Variants in LDAH observed in about 807,000 individuals in gnomAD.
LDAH encodes the protein lipid droplet-associated hydrolase.
A neutral mutation model predicts 29.6 loss-of-function variants in LDAH; 26 were observed. That is an observed-to-expected ratio of 0.88 (90% CI 0.64 to 1.22). The LOEUF is 1.22. LDAH is among the 50% of genes most tolerant of loss of function. The pLI, the probability that LDAH is intolerant of heterozygous loss-of-function variation, is 0.00. For synonymous variants in LDAH, 117 were observed against 133.0 expected (o/e 0.88, Z 0.83); for missense variants, 344 against 387.3 (o/e 0.89, Z 0.94).
At chr2:20,762,209 A>T (rs998594760) in intron 4 of LDAH, among the ~76,000 whole-genome samples, 2 of 152,076 alleles carry the variant, frequency 1.3e-5, no homozygotes, top group African/African-American at 4.8e-5. Flanking sequence ...ATTTTTTGTT[A>T]TAATAGATAA....
At chr2:20,811,257 A>T (rs1472675728) in intron 1 of LDAH, among the ~76,000 whole-genome samples, 1 of 151,776 alleles carries the variant, frequency 6.6e-6, no homozygotes, top group Non-Finnish European at 1.5e-5. Context: ...TGACCTCGTG[A>T]TCCGCCCATC....
chr2:20,731,855 G>GTT (rs1007306542), intron 5 of LDAH, among the ~76,000 whole-genome samples: 53 of 140,460 alleles, frequency 3.8e-4, no homozygotes, highest in African/African-American at 1.3e-3. Context: ...TTTTCTTTTA[G>GTT]TTTTTTTTTT....
intron 4 of LDAH, among the ~76,000 whole-genome samples, chr2:20,758,873 A>G (rs1397994847): frequency 1.3e-5 from 2 of 152,236 alleles, no homozygotes; most frequent in Non-Finnish European, 2.9e-5. Flanking sequence ...AGGCAAACAC[A>G]GCAACTATGA....
At chr2:20,821,555 G>A (rs1673302759) in intron 1 of LDAH, among the ~76,000 whole-genome samples, 1 of 152,094 alleles carries the variant, frequency 6.6e-6, no homozygotes, top group African/African-American at 2.4e-5. Context: ...TCATAGGTGG[G>A]AATTGAACAA....
At chr2:20,736,730 T>TA (rs1553341780) in intron 5 of LDAH, among the ~76,000 whole-genome samples, 1 of 152,116 alleles carries the variant, frequency 6.6e-6, no homozygotes, top group Non-Finnish European at 1.5e-5. Context: ...TGGACTCTAT[T>TA]ATCAACGCAA....
At chr2:20,743,812 C>T (rs1667378829) in intron 4 of LDAH, among the ~76,000 whole-genome samples, 1 of 150,236 alleles carries the variant, frequency 6.7e-6, no homozygotes, top group South Asian at 2.1e-4. Flanking sequence ...TTCTTTCTCT[C>T]GTTCTTTTCC....
chr2:20,699,163 A>C (rs1663727056), intron 6 of LDAH, among the ~76,000 whole-genome samples: 1 of 152,228 alleles, frequency 6.6e-6, no homozygotes, highest in Non-Finnish European at 1.5e-5. Context: ...TTTCAACAAA[A>C]TGTGTGGCTT....
At chr2:20,714,911 G>T (rs1397308591) in intron 5 of LDAH, among the ~76,000 whole-genome samples, 1 of 152,088 alleles carries the variant, frequency 6.6e-6, no homozygotes, top group African/African-American at 2.4e-5. Flanking sequence ...ACCAAAAAAA[G>T]TCCAGGACCA....
intron 3 of LDAH, chr2:20,789,147 C>G (rs780372488): frequency 1.3e-6 from 2 of 1,550,458 alleles, no homozygotes; most frequent in South Asian, 2.4e-5. Flanking sequence ...TTGTGAAAAC[C>G]AGCTGTAATG....
chr2:20,746,641 T>A (rs1667588357), intron 4 of LDAH, among the ~76,000 whole-genome samples: 1 of 151,996 alleles, frequency 6.6e-6, no homozygotes, highest in Non-Finnish European at 1.5e-5. Context: ...CCAAATTTGA[T>A]AAATCACAGT....
intron 5 of LDAH, among the ~76,000 whole-genome samples, chr2:20,706,802 G>T (rs776520037): frequency 2.0e-5 from 3 of 152,064 alleles, no homozygotes; most frequent in Non-Finnish European, 4.4e-5. Flanking sequence ...AAAGAGAAAC[G>T]AATGAGAGGA....
chr2:20,739,348 CT>C, intron 5 of LDAH, among the ~76,000 whole-genome samples: 1 of 152,190 alleles, frequency 6.6e-6, no homozygotes, highest in South Asian at 2.1e-4. Flanking sequence ...ACTAGGATTA[CT>C]TTATTATGAA....
chr2:20,818,644 T>C (rs1186335602), intron 1 of LDAH, among the ~76,000 whole-genome samples: 1 of 152,102 alleles, frequency 6.6e-6, no homozygotes, highest in African/African-American at 2.4e-5. Flanking sequence ...AGCAGGCAAT[T>C]AATAGAACAA....
intron 3 of LDAH, among the ~76,000 whole-genome samples, chr2:20,778,478 T>C (rs1669966776): frequency 6.6e-6 from 1 of 152,222 alleles, no homozygotes; most frequent in Admixed American, 6.5e-5. Flanking sequence ...AATTCCCTTA[T>C]AGCCTCAGAA....
intron 3 of LDAH, among the ~76,000 whole-genome samples, chr2:20,782,692 T>C (rs898895583): frequency 6.6e-6 from 1 of 152,198 alleles, no homozygotes; most frequent in Non-Finnish European, 1.5e-5. Context: ...TGAATACTTG[T>C]AATTTGCGTC....
At chr2:20,697,538 T>C (rs561298768) in intron 6 of LDAH, among the ~76,000 whole-genome samples, 32 of 152,198 alleles carry the variant, frequency 2.1e-4, no homozygotes, top group Non-Finnish European at 3.4e-4. Flanking sequence ...GATTGGTCAA[T>C]CCCTATATCA....
chr2:20,766,270 G>A (rs1454011900), intron 4 of LDAH, among the ~76,000 whole-genome samples: 3 of 152,092 alleles, frequency 2.0e-5, no homozygotes, highest in Non-Finnish European at 4.4e-5. Flanking sequence ...ACAAACAGAC[G>A]CTTCCATTCT....
intron 2 of LDAH, among the ~76,000 whole-genome samples, chr2:20,799,898 A>G (rs754065533): frequency 2.6e-5 from 4 of 152,212 alleles, no homozygotes; most frequent in Non-Finnish European, 4.4e-5. Flanking sequence ...ATAAAACTGC[A>G]TTTATTAAAA....
intron 5 of LDAH, among the ~76,000 whole-genome samples, chr2:20,715,404 A>G (rs987091766): frequency 2.6e-5 from 4 of 152,246 alleles, no homozygotes; most frequent in Non-Finnish European, 5.9e-5. Flanking sequence ...ACTACTTATG[A>G]CAAACCCACA....
Sources: gnomAD v4.1 joint callset for allele counts (sites outside exome capture counted in the v4.1 genomes callset) on GRCh38, gnomAD v4.1.1 for gene constraint, MANE v1.5 for transcripts, NCBI Gene and HGNC (gene_info 2026-07-23, HGNC 2026-07-21) for gene names.